The following STARD13 variants were observed in gnomAD, a reference collection of about 807,000 sequenced individuals.
STARD13 encodes StAR related lipid transfer domain containing 13, also known as stAR-related lipid transfer protein 13.
A neutral mutation model predicts 106.4 loss-of-function variants in STARD13; 62 were observed. The observed-to-expected ratio is 0.58, with a 90% CI of 0.48 to 0.72. The LOEUF (loss-of-function observed/expected upper bound fraction) is 0.72. Among genes scored for constraint, STARD13 ranks in the 30% least tolerant of loss-of-function variants. The pLI, the probability that STARD13 is intolerant of heterozygous loss-of-function variation, is 0.00. For missense variants in STARD13, 1,387 were observed against 1,424.0 expected (o/e 0.97, Z 0.42); for synonymous variants, 565 against 553.0 (o/e 1.02, Z -0.31).
chr13:33,358,967 T>C, the STARD13 span, among the ~76,000 whole-genome samples: 178 of 152,204 alleles, frequency 1.2e-3, no homozygotes, highest in African/African-American at 4.1e-3. Context: ...GATGGGGACG[T>C]GGAGAACCTT....
exon 2 of STARD13, chr13:33,349,056 T>C (rs1479387052): frequency 2.9e-6 from 2 of 696,682 alleles, no homozygotes; most frequent in Non-Finnish European, 5.2e-6. Flanking sequence ...GCAAACCACT[T>C]GCTTTACAGT....
At chr13:33,364,746 A>G in the STARD13 span, among the ~76,000 whole-genome samples, 73 of 152,258 alleles carry the variant, frequency 4.8e-4, no homozygotes, top group South Asian at 2.5e-3. Context: ...AAAATTAGCC[A>G]GGCGTGGTGG....
the STARD13 span, among the ~76,000 whole-genome samples, chr13:33,463,715 G>A: frequency 6.6e-6 from 1 of 152,050 alleles, no homozygotes; most frequent in African/African-American, 2.4e-5. Flanking sequence ...CTTTTTGGGT[G>A]TCAAAATATA....
At chr13:33,372,296 G>A in the STARD13 span, among the ~76,000 whole-genome samples, 1 of 152,108 alleles carries the variant, frequency 6.6e-6, no homozygotes, top group Non-Finnish European at 1.5e-5. Context: ...CATACCCTTT[G>A]AATACACCTA....
At chr13:33,624,220 C>T in the STARD13 span, among the ~76,000 whole-genome samples, 1 of 152,124 alleles carries the variant, frequency 6.6e-6, no homozygotes, top group Admixed American at 6.6e-5. Flanking sequence ...AGTAACAACC[C>T]AAATGTCCTC....
intron 3 of STARD13, among the ~76,000 whole-genome samples, chr13:33,160,146 T>C (rs1016059674): frequency 1.3e-5 from 2 of 152,108 alleles, no homozygotes; most frequent in Non-Finnish European, 2.9e-5. Flanking sequence ...GGGGGCAGAA[T>C]AGAGAGTCTA....
the STARD13 span, among the ~76,000 whole-genome samples, chr13:33,429,938 G>C: frequency 3.4e-4 from 50 of 148,592 alleles, 1 homozygote; most frequent in Non-Finnish European, 4.1e-4. Flanking sequence ...GGGGGGGGGG[G>C]ACGGAGTCTC....
the STARD13 span, among the ~76,000 whole-genome samples, chr13:33,519,672 A>C: frequency 6.6e-6 from 1 of 152,110 alleles, no homozygotes; most frequent in Non-Finnish European, 1.5e-5. Flanking sequence ...GCAATGACCA[A>C]CTTAAAAAGC....
At chr13:33,609,498 C>T in the STARD13 span, among the ~76,000 whole-genome samples, 1 of 151,828 alleles carries the variant, frequency 6.6e-6, no homozygotes, top group South Asian at 2.1e-4. Flanking sequence ...TCTTGGAGAG[C>T]AATTTGTCAA....
the STARD13 span, among the ~76,000 whole-genome samples, chr13:33,526,649 C>CT: frequency 1.3e-5 from 2 of 152,062 alleles, no homozygotes; most frequent in African/African-American, 4.8e-5. Flanking sequence ...AGACTACTTA[C>CT]TTTTTCTCTC....
the STARD13 span, among the ~76,000 whole-genome samples, chr13:33,420,327 T>C: frequency 6.6e-6 from 1 of 152,084 alleles, no homozygotes; most frequent in Non-Finnish European, 1.5e-5. Context: ...AAAGCAGACT[T>C]TAAACCAACA....
chr13:33,499,534 CTT>C, the STARD13 span, among the ~76,000 whole-genome samples: 1 of 45,082 alleles, frequency 2.2e-5, no homozygotes, highest in Admixed American at 2.4e-4. Flanking sequence ...TCTTCTTCTT[CTT>C]CTTCTTCTTC....
the STARD13 span, among the ~76,000 whole-genome samples, chr13:33,666,592 G>A: frequency 6.6e-6 from 1 of 150,556 alleles, no homozygotes; most frequent in African/African-American, 2.4e-5. Context: ...ACTGCACCCA[G>A]CCTATTTATT....
chr13:33,519,237 T>TTTCTTTCTTTCC, the STARD13 span, among the ~76,000 whole-genome samples: 2 of 150,744 alleles, frequency 1.3e-5, 1 homozygote, highest in East Asian at 3.9e-4. Context: ...TCTTTCTTTC[T>TTTCTTTCTTTCC]TTCTTTCTTT....
At chr13:33,337,044 A>T (rs1023083334) in intron 1 of STARD13, among the ~76,000 whole-genome samples, 21 of 152,146 alleles carry the variant, frequency 1.4e-4, no homozygotes, top group African/African-American at 4.8e-4. Context: ...TACAAGGTTA[A>T]ATGTAAAATA....
the STARD13 span, among the ~76,000 whole-genome samples, chr13:33,642,337 C>T: frequency 6.6e-6 from 1 of 152,156 alleles, no homozygotes; most frequent in Non-Finnish European, 1.5e-5. Flanking sequence ...CATTCAGCAG[C>T]CAATTTAAGA....
At chr13:33,131,831 A>T (rs548413451) in intron 4 of STARD13, among the ~76,000 whole-genome samples, 1 of 152,318 alleles carries the variant, frequency 6.6e-6, no homozygotes, top group East Asian at 1.9e-4. Context: ...AGTTTCTGCC[A>T]CTTATAAGAT....
intron 1 of STARD13, among the ~76,000 whole-genome samples, chr13:33,238,988 CA>C (rs967371209): frequency 6.6e-6 from 1 of 151,940 alleles, no homozygotes; most frequent in Non-Finnish European, 1.5e-5. Flanking sequence ...TTTCATCTTG[CA>C]AAACTGAAAT....
At chr13:33,206,170 C>T (rs1320785782) in intron 1 of STARD13, 4 of 225,092 alleles carry the variant, frequency 1.8e-5, no homozygotes, top group African/African-American at 2.3e-5. Flanking sequence ...CCAGAGGAAA[C>T]GCTGCCAGTC....
Sources: allele counts gnomAD v4.1 joint callset (sites outside exome capture counted in the v4.1 genomes callset), GRCh38; gene constraint gnomAD v4.1.1; transcripts MANE v1.5; gene names NCBI Gene and HGNC (gene_info 2026-07-23, HGNC 2026-07-21).